GSDME: variants seen among roughly 807,000 people sequenced by gnomAD.
The protein encoded by GSDME is gasdermin-E.
A neutral mutation model predicts 47.5 loss-of-function variants in GSDME; 44 were observed. That is an observed-to-expected ratio of 0.93 (90% CI 0.73 to 1.19). The LOEUF (loss-of-function observed/expected upper bound fraction) is 1.19, where lower values mean the gene tolerates loss of function less well. GSDME is among the 50% of genes most tolerant of loss of function. The probability of loss-of-function intolerance (pLI) is 0.00; values close to 1 mark genes in which losing one functional copy is unlikely to be tolerated. For synonymous variants in GSDME, 258 were observed against 252.8 expected (o/e 1.02, Z -0.20); for missense variants, 663 against 604.2 (o/e 1.10, Z -1.02).
In GSDME at chr7:24,744,291, T is replaced by C; in HGVS notation, c.404+271A>G. The C allele has an allele frequency of 2.1e-6, 1 of 487,346 alleles. No individual in the cohort carries two copies. Among genetic ancestry groups the C allele is most frequent in the Non-Finnish European group, 3.7e-6 (1 of 267,780 alleles). 30.2% of individuals were successfully genotyped at this position (487,346 alleles called of 1,614,324 possible). A position where few individuals can be genotyped will look rare whatever the true frequency, so the allele number is the denominator to read the frequency against. On this transcript the variant is annotated intron_variant, in intron 3 of 9. Coordinates refer to ENST00000645220, the MANE Select transcript of GSDME (RefSeq NM_001127453.2). This position sits in a 1 kb window ranked among gnomAD's most constrained non-coding sequence, Gnocchi z 4.5. ...ACAGAGCATTTTTACCGTTCGCATT[T>C]TATAAATCATGTGATTGAAGGAAGT...
At position 24,705,760 on chromosome 7, in the gene GSDME, C is replaced by T. The variant is rs1446105448; in HGVS notation, c.1183+424G>A. On this transcript the variant is annotated intron_variant, in intron 8 of 9. Transcript: ENST00000645220. The surrounding 1 kb of genome is among the most constrained non-coding windows in gnomAD (Gnocchi z 4.1). The stretch of plus-strand genomic sequence containing the variant: ...AGCCCCCTTGCCCCAGACAGGAGCA[C>T]GCAGGGTGGGGAATAACAAGTTTGC... The T allele has an allele frequency of 4.6e-5, 15 of 324,114 alleles. No individual in the cohort carries two copies. The highest frequency in any genetic ancestry group is 2.6e-4 in the Admixed American group (6 of 23,156). The allele number at this position is 324,114 out of a possible 1,614,324, so 20.1% of individuals were successfully genotyped here. A position where few individuals can be genotyped will look rare whatever the true frequency, so the allele number is the denominator to read the frequency against.
At chr7:24,775,303 C>T in the GSDME span, among the ~76,000 whole-genome samples, 1 of 152,130 alleles carries the variant, frequency 6.6e-6, no homozygotes, top group Non-Finnish European at 1.5e-5. Context: ...TTTGCTATGT[C>T]CAGTACACTG....
At chr7:24,769,644 C>T in the GSDME span, among the ~76,000 whole-genome samples, 2 of 152,164 alleles carry the variant, frequency 1.3e-5, no homozygotes, top group African/African-American at 4.8e-5. Context: ...CAGCCCTATA[C>T]CTCTCCACCA....
intron 7 of GSDME, chr7:24,707,658 C>G (rs2521754): frequency 0.16 from 58,490 of 355,830 alleles, 4,992 homozygotes; most frequent in Admixed American, 0.18. Context: ...ATGATGGTGT[C>G]TTTATAACAG....
chr7:24,708,899 T>C (rs1464869204), intron 6 of GSDME, among the ~76,000 whole-genome samples: 2 of 152,148 alleles, frequency 1.3e-5, no homozygotes, highest in Non-Finnish European at 2.9e-5. Flanking sequence ...TCTTTGTTTT[T>C]TGGTTTTTTT....
the GSDME span, among the ~76,000 whole-genome samples, chr7:24,780,877 A>G: frequency 1.3e-5 from 2 of 152,118 alleles, no homozygotes; most frequent in Non-Finnish European, 2.9e-5. The surrounding 1 kb of genome is among the most constrained non-coding windows in gnomAD (Gnocchi z 4.1). Flanking sequence ...CCCTCAAAGA[A>G]TTTGGTTTAA....
the GSDME span, among the ~76,000 whole-genome samples, chr7:24,768,432 C>T: frequency 9.9e-5 from 15 of 152,180 alleles, no homozygotes; most frequent in African/African-American, 3.6e-4. The surrounding 1 kb of genome is among the most constrained non-coding windows in gnomAD (Gnocchi z 5.6). Flanking sequence ...GGGGAACAGC[C>T]TTGCATGTCA....
chr7:24,787,931 T>C, the GSDME span, among the ~76,000 whole-genome samples: 50 of 152,314 alleles, frequency 3.3e-4, 1 homozygote, highest in African/African-American at 1.2e-3. The surrounding 1 kb of genome is among the most constrained non-coding windows in gnomAD (Gnocchi z 5.0). Context: ...GGTCTCAAAC[T>C]CTTGGCCTTG....
At position 24,726,398 on chromosome 7, in the gene GSDME, C is replaced by A. The variant is rs1789966821; in HGVS notation, c.405-7180G>T. On this transcript the variant is annotated intron_variant, in intron 3 of 9. Coordinates refer to ENST00000645220, the MANE Select transcript of GSDME (RefSeq NM_001127453.2). The surrounding 1 kb of genome is among the most constrained non-coding windows in gnomAD (Gnocchi z 5.6). ...TTGTCATGCAGACCCCACACTTCAA[C>A]TCTCCTTCATTCATCTCCACAAATA... Among the ~76,000 whole-genome samples the A allele has an allele frequency of 1.3e-5, 2 of 152,174 alleles. No homozygotes were observed. Among genetic ancestry groups the A allele is most frequent in the Non-Finnish European group, 2.9e-5 (2 of 68,028 alleles).
At chr7:24,793,306 T>C in the GSDME span, among the ~76,000 whole-genome samples, 1 of 152,234 alleles carries the variant, frequency 6.6e-6, no homozygotes, top group Non-Finnish European at 1.5e-5. Context: ...CGTGGTGTTT[T>C]TACTTTAATG....
At chr7:24,791,736 TC>T in the GSDME span, among the ~76,000 whole-genome samples, 2 of 152,012 alleles carry the variant, frequency 1.3e-5, no homozygotes, top group East Asian at 3.8e-4. The surrounding 1 kb of genome is among the most constrained non-coding windows in gnomAD (Gnocchi z 4.8). Context: ...CGGCAGAGTG[TC>T]CAGTAAAGGT....
Position 24,745,019 on chromosome 7 carries a change from GT to G in GSDME, c.212-266del, listed in dbSNP as rs1262200391. On this transcript the variant is annotated intron_variant, in intron 2 of 9. Transcript: ENST00000645220. The surrounding 1 kb of genome is among the most constrained non-coding windows in gnomAD (Gnocchi z 4.4). The stretch of plus-strand genomic sequence containing the variant: ...TGTGTGTGTGTGTGTGTGTGTGTGT[GT>G]GTGTGTGTGTGTGTGGACCACGGGC... Among the ~76,000 whole-genome samples, 6 of 147,902 alleles carry G rather than the reference GT, an allele frequency of 4.1e-5. No homozygotes were observed. The highest frequency in any genetic ancestry group is 1.6e-4 in the African/African-American group (6 of 37,936).
At chr7:24,794,040 T>C in the GSDME span, among the ~76,000 whole-genome samples, 1 of 152,256 alleles carries the variant, frequency 6.6e-6, no homozygotes. Flanking sequence ...GAGTGTTATA[T>C]GATCACGGAG....
chr7:24,724,478 G>A lies in GSDME; in HGVS notation c.405-5260C>T, dbSNP rs1199569674. Among the ~76,000 whole-genome samples the A allele has an allele frequency of 6.6e-6, 1 of 152,154 alleles. No individual in the cohort carries two copies. The highest frequency in any genetic ancestry group is 1.5e-5 in the Non-Finnish European group (1 of 68,036). On this transcript the variant is annotated intron_variant, in intron 3 of 9. Coordinates refer to ENST00000645220, the MANE Select transcript of GSDME (RefSeq NM_001127453.2). The surrounding 1 kb of genome is among the most constrained non-coding windows in gnomAD (Gnocchi z 4.8). ...AAGGGCAGGCTCCTTGTTCTTCCTG[G>A]CGGGGGCGGCAACGTGAAAGCAAGA... is the stretch of plus-strand genomic sequence containing the variant.
At chr7:24,753,621 C>T (rs936125220) in intron 1 of GSDME, among the ~76,000 whole-genome samples, 1 of 152,160 alleles carries the variant, frequency 6.6e-6, no homozygotes, top group African/African-American at 2.4e-5. Flanking sequence ...ACAAAAGTAT[C>T]CATCTTAGCA....
In GSDME at chr7:24,706,335, C is replaced by T; in HGVS notation, c.1032G>A (p.Val344=). The T allele has an allele frequency of 3.7e-6, 6 of 1,613,218 alleles. No individual in the cohort carries two copies. The highest frequency in any genetic ancestry group is 5.1e-6 in the Non-Finnish European group (6 of 1,179,768). Residue 344 remains valine, a synonymous_variant, in exon 8 of 10, where the codon GTG becomes GTA. Transcript: ENST00000645220. ...GCTGCCGGGGCTTCAGCTCCCCCAG[C>T]ACCGCCACTGTGGGCGAGAGGCCGC... ...LVSGLSPTVA[V]LGELKPRQQQ...
chr7:24,793,773 AC>A, the GSDME span, among the ~76,000 whole-genome samples: 1 of 149,204 alleles, frequency 6.7e-6, no homozygotes, highest in East Asian at 1.9e-4. Context: ...CATAAATTCT[AC>A]CCCCCTTTTC....
At position 24,754,508 on chromosome 7, in the gene GSDME, A is replaced by G. The variant is rs1790956645; in HGVS notation, c.-20+2888T>C. Among the ~76,000 whole-genome samples, 2 of 151,162 alleles carry G rather than the reference A, an allele frequency of 1.3e-5. No homozygotes were observed. The highest frequency in any genetic ancestry group is 2.9e-5 in the Non-Finnish European group (2 of 67,870). On this transcript the variant is annotated intron_variant, in intron 1 of 9. Transcript: ENST00000645220. This position sits in a 1 kb window ranked among gnomAD's most constrained non-coding sequence, Gnocchi z 5.0. ...CTCAAAAAAAAAAAAAAAAAGTTGT[A>G]TTAGCAAACAGTCCTTAGTCTGGCT...
chr7:24,700,708 CCATTAGGCT>C (rs1788829983), intron 9 of GSDME, among the ~76,000 whole-genome samples: 1 of 152,180 alleles, frequency 6.6e-6, no homozygotes, highest in East Asian at 1.9e-4. Context: ...CTTAACGTTA[CCATTAGGCT>C]CAGACTGCAA....
Sources: gnomAD v4.1 joint callset for allele counts (sites outside exome capture counted in the v4.1 genomes callset) on GRCh38, gnomAD v4.1.1 for gene constraint, Gnocchi (gnomAD v3.1) non-coding constraint, MANE v1.5 for transcripts, NCBI Gene and HGNC (gene_info 2026-07-23, HGNC 2026-07-21) for gene names.